The following G3BP1 variants were observed in gnomAD, a reference collection of about 807,000 sequenced individuals.
The protein encoded by G3BP1 is ras GTPase-activating protein-binding protein 1.
A neutral mutation model predicts 58.6 loss-of-function variants in G3BP1; 35 were observed. The ratio of observed to expected loss-of-function variants is 0.60; its 90% confidence interval spans 0.46 to 0.79. The LOEUF (loss-of-function observed/expected upper bound fraction) is 0.79. Among genes scored for constraint, G3BP1 ranks in the 30% least tolerant of loss-of-function variants. The pLI, the probability that G3BP1 is intolerant of heterozygous loss-of-function variation, is 0.00. For synonymous variants in G3BP1, 191 were observed against 195.4 expected (o/e 0.98, Z 0.19); for missense variants, 523 against 580.8 (o/e 0.90, Z 1.02).
At chr5:151,800,967 A>C in intron 11 of G3BP1, 98 bp downstream of exon 11, 4 of 622,304 alleles carry the variant, frequency 6.4e-6, no homozygotes, top group Non-Finnish European at 1.2e-5. Context: ...TGTAAAGTGC[A>C]GTTTATTCCA....
chr5:151,780,736 A>C (rs1026110604), intron 1 of G3BP1, among the ~76,000 whole-genome samples: 7 of 152,072 alleles, frequency 4.6e-5, no homozygotes, highest in Non-Finnish European at 5.9e-5. Context: ...GATGGTCTCT[A>C]TCTCCTGGCC....
Position 151,795,595 on chromosome 5 carries a change from A to T in G3BP1, c.539+20A>T. On this transcript the variant is annotated intron_variant, in intron 6 of 11. Coordinates refer to ENST00000356245, the MANE Select transcript of G3BP1 (RefSeq NM_005754.3). ...TGTCAGGTAAGAAGATTTTGTTCAC[A>T]TGTCCGGGGCTGCATAAGAACTTGC... The T allele has an allele frequency of 2.4e-6, 3 of 1,257,464 alleles. No homozygotes were observed. The highest frequency in any genetic ancestry group is 3.5e-6 in the Non-Finnish European group (3 of 857,110). The allele number at this position is 1,257,464 out of a possible 1,614,324, so 77.9% of individuals were successfully genotyped here.
chr5:151,798,771 C>T (rs920902013), intron 7 of G3BP1, among the ~76,000 whole-genome samples: 2 of 152,062 alleles, frequency 1.3e-5, no homozygotes, highest in Non-Finnish European at 2.9e-5. Flanking sequence ...TCAAGACCAG[C>T]CTGGTCAATA....
chr5:151,801,540 A>G (rs1211850927), intron 11 of G3BP1, among the ~76,000 whole-genome samples: 4 of 152,318 alleles, frequency 2.6e-5, no homozygotes, highest in African/African-American at 7.2e-5. Flanking sequence ...TTACATAACA[A>G]AATTAACCAT....
Position 151,804,102 on chromosome 5 carries a change from A to G in G3BP1, c.*11A>G. 6.4e-7 allele frequency: 1 copy of G among 1,568,074 alleles called. No homozygotes were observed. The highest frequency in any genetic ancestry group is 8.7e-7 in the Non-Finnish European group (1 of 1,150,200). On this transcript the variant is annotated 3_prime_UTR_variant, in exon 12 of 12. Coordinates refer to ENST00000356245, the MANE Select transcript of G3BP1 (RefSeq NM_005754.3). ...GCGCCACGGCAGTGAATCTTCATGG[A>G]TCTTCATGCAGCCATACAAACCCTG...
chr5:151,799,247 T>C lies in G3BP1; in HGVS notation c.777T>C (p.Leu259=). The C allele has an allele frequency of 6.2e-7, 1 of 1,604,024 alleles. No homozygotes were observed. The highest frequency in any genetic ancestry group is 8.5e-7 in the Non-Finnish European group (1 of 1,170,738). The change falls in exon 8 of 12, where the codon CTT becomes CTC. Residue 259 remains leucine, a synonymous_variant. Transcript: ENST00000356245. ...GGGCATCTGTGACCAGTAAGAATCTTCCACCCAGTGGAGCTGTTCCAGTTA... is the reference window on the plus strand; with the variant it reads ...GGGCATCTGTGACCAGTAAGAATCTCCCACCCAGTGGAGCTGTTCCAGTTA... ...FSWASVTSKN[L]PPSGAVPVTG... is the part of the protein sequence containing the mutation.
At chr5:151,778,913 C>A (rs751527769) in intron 1 of G3BP1, among the ~76,000 whole-genome samples, 1 of 151,750 alleles carries the variant, frequency 6.6e-6, no homozygotes, top group Non-Finnish European at 1.5e-5. Flanking sequence ...AAAAATTAGT[C>A]GGGCGTGGTG....
At chr5:151,784,602 T>C (rs765964855) in intron 1 of G3BP1, among the ~76,000 whole-genome samples, 6 of 152,246 alleles carry the variant, frequency 3.9e-5, no homozygotes, top group Non-Finnish European at 7.3e-5. Flanking sequence ...TTATTCAGTA[T>C]GTTTTATCTG....
chr5:151,808,049 A>C lies in G3BP1; in HGVS notation c.*3958A>C, dbSNP rs188500005. The C allele has an allele frequency of 4.6e-5, 7 of 152,352 alleles. No homozygotes were observed. In the East Asian group the frequency reaches 1.2e-3, roughly 25 times the overall value. 9.4% of individuals were successfully genotyped at this position (152,352 alleles called of 1,614,324 possible). A position where few individuals can be genotyped will look rare whatever the true frequency, so the allele number is the denominator to read the frequency against. On this transcript the variant is annotated 3_prime_UTR_variant, in exon 12 of 12. Coordinates refer to ENST00000356245, the MANE Select transcript of G3BP1 (RefSeq NM_005754.3). The stretch of plus-strand genomic sequence containing the variant: ...TAGCTAACTGCCTAATGTACCAAAA[A>C]AAAATTAGCAATGTCTTATGTGGGA...
chr5:151,791,323 G>T, intron 4 of G3BP1: 1 of 271,316 alleles, frequency 3.7e-6, no homozygotes, highest in Non-Finnish European at 7.0e-6. Flanking sequence ...ATCAAATTCA[G>T]GAAATGTTGA....
chr5:151,811,817 A>C lies in G3BP1; in HGVS notation c.*7726A>C, dbSNP rs1763022546. 6.6e-6 allele frequency: 1 copy of C among 152,216 alleles called. No individual in the cohort carries two copies. Among genetic ancestry groups the C allele is most frequent in the Admixed American group, 6.5e-5 (1 of 15,278 alleles). 9.4% of individuals were successfully genotyped at this position (152,216 alleles called of 1,614,324 possible). ...TAAGGTGGTAGCCAGACAAATCCTTAACTGCAGCATTAAGGCCATACCAAG... is the reference window on the plus strand; with the variant it reads ...TAAGGTGGTAGCCAGACAAATCCTTCACTGCAGCATTAAGGCCATACCAAG... On this transcript the variant is annotated 3_prime_UTR_variant, in exon 12 of 12. Coordinates refer to ENST00000356245, the MANE Select transcript of G3BP1 (RefSeq NM_005754.3).
At chr5:151,775,748 A>G (rs553070782) in intron 1 of G3BP1, among the ~76,000 whole-genome samples, 1 of 152,372 alleles carries the variant, frequency 6.6e-6, no homozygotes, top group East Asian at 1.9e-4. Flanking sequence ...GAGAAAGAAC[A>G]AAGATTTTTT....
chr5:151,782,974 C>T (rs932512759), intron 1 of G3BP1, among the ~76,000 whole-genome samples: 1 of 150,408 alleles, frequency 6.6e-6, no homozygotes, highest in African/African-American at 2.4e-5. Flanking sequence ...TCTCCTGCCT[C>T]AGCCTCCTGA....
At chr5:151,799,377 C>G (rs1019661595) in intron 8 of G3BP1, 64 bp downstream of exon 8, 1 of 868,834 alleles carries the variant, frequency 1.2e-6, no homozygotes, top group Non-Finnish European at 2.0e-6. Context: ...TTTGATTCAA[C>G]AGAGGTTTAG....
At chr5:151,781,275 A>G (rs1029944859) in intron 1 of G3BP1, among the ~76,000 whole-genome samples, 1 of 152,246 alleles carries the variant, frequency 6.6e-6, no homozygotes, top group African/African-American at 2.4e-5. Flanking sequence ...AAATGTAAAC[A>G]AATGTAAAGA....
intron 1 of G3BP1, among the ~76,000 whole-genome samples, chr5:151,776,739 GATT>G (rs1362846567): frequency 6.6e-6 from 1 of 151,488 alleles, no homozygotes; most frequent in African/African-American, 2.4e-5. Flanking sequence ...ACTTATTTTT[GATT>G]ATTATTTATT....
rs1762936422 is a variant in G3BP1, at chr5:151,806,166, T to C, written c.*2075T>C. 1 of 152,188 alleles carries C rather than the reference T, an allele frequency of 6.6e-6. No homozygotes were observed. Among genetic ancestry groups the C allele is most frequent in the South Asian group, 2.1e-4 (1 of 4,838 alleles). The allele number at this position is 152,188 out of a possible 1,614,324, so 9.4% of individuals were successfully genotyped here. A position where few individuals can be genotyped will look rare whatever the true frequency, so the allele number is the denominator to read the frequency against. ...CCATTGAGAACACTGATAGTCCCTA[T>C]TCCTGTGGGTGGGTGGAGCTGTGGG... On this transcript the variant is annotated 3_prime_UTR_variant, in exon 12 of 12. Transcript: ENST00000356245.
intron 5 of G3BP1, 125 bp downstream of exon 5, chr5:151,794,374 T>A: frequency 3.2e-6 from 2 of 632,494 alleles, no homozygotes; most frequent in Non-Finnish European, 5.7e-6. Context: ...TAACTAATTA[T>A]GGTATATGAA....
chr5:151,797,894 C>T (rs1005793381), intron 7 of G3BP1, among the ~76,000 whole-genome samples: 2 of 152,184 alleles, frequency 1.3e-5, no homozygotes, highest in Non-Finnish European at 2.9e-5. Flanking sequence ...TTCTAGTTGG[C>T]ATACCTGATT....
Sources: allele counts gnomAD v4.1 joint callset (sites outside exome capture counted in the v4.1 genomes callset), GRCh38; gene constraint gnomAD v4.1.1; transcripts MANE v1.5; gene names NCBI Gene and HGNC (gene_info 2026-07-23, HGNC 2026-07-21).